The following POLR1C variants were observed in gnomAD, a reference collection of about 807,000 sequenced individuals.
POLR1C encodes the protein DNA-directed RNA polymerases I and III subunit RPAC1.
Under a neutral mutation model 38.3 loss-of-function variants are expected in POLR1C, and 42 were observed. That is an observed-to-expected ratio of 1.10 (90% CI 0.86 to 1.42). The LOEUF (loss-of-function observed/expected upper bound fraction) is 1.42. Among genes scored for constraint, POLR1C ranks in the 40% most tolerant of loss-of-function variants. The pLI is 0.00. For missense variants in POLR1C, 507 were observed against 450.5 expected (o/e 1.13, Z -1.14); for synonymous variants, 163 against 163.9 (o/e 0.99, Z 0.04).
rs1306442225 is a variant in POLR1C, at chr6:43,539,617, GA to G, written c.*4+10261del. 12 of 1,373,790 alleles carry G rather than the reference GA, an allele frequency of 8.7e-6. No homozygotes were observed. The Admixed American group carries it at 2.3e-4, about 26-fold the overall frequency. The allele number at this position is 1,373,790 out of a possible 1,614,324, so 85.1% of individuals were successfully genotyped here. A position where few individuals can be genotyped will look rare whatever the true frequency, so the allele number is the denominator to read the frequency against. ...GACCCCGGCCCCGGATGCCACTGGC[GA>G]AACCTCTGCGGAAGCCACCGCGGTT... On this transcript the variant is annotated intron_variant, in intron 9 of 10. Transcript: ENST00000607635.
chr6:43,557,107 G>A (rs1423378267), intron 10 of POLR1C, among the ~76,000 whole-genome samples: 4 of 130,254 alleles, frequency 3.1e-5, no homozygotes, highest in African/African-American at 9.3e-5. Flanking sequence ...CAGCCTGGGC[G>A]ACAGAGCAAG....
chr6:43,561,002 T>C (rs1161957222), intron 10 of POLR1C: 1 of 1,613,736 alleles, frequency 6.2e-7, no homozygotes. Context: ...CATCAGAATC[T>C]GCACCCTGTA....
At chr6:43,548,131 G>A in intron 9 of POLR1C, 1 of 943,970 alleles carries the variant, frequency 1.1e-6, no homozygotes, top group African/African-American at 1.6e-5. Flanking sequence ...TGCTTTTAGA[G>A]AACTTCAGAT....
At chr6:43,527,436 G>A in intron 8 of POLR1C, 1 of 514,040 alleles carries the variant, frequency 1.9e-6, no homozygotes, top group South Asian at 2.2e-5. Flanking sequence ...ACTACGCCCA[G>A]CTAATTTTTG....
At chr6:43,560,884 CCTAA>C (rs1277634405) in intron 10 of POLR1C, 3 of 1,514,434 alleles carry the variant, frequency 2.0e-6, no homozygotes, top group African/African-American at 2.7e-5. Flanking sequence ...CATTGGTTCA[CCTAA>C]CTAAACTTTT....
At chr6:43,558,214 G>A (rs1436748765) in intron 10 of POLR1C, among the ~76,000 whole-genome samples, 1 of 152,034 alleles carries the variant, frequency 6.6e-6, no homozygotes, top group East Asian at 1.9e-4. Context: ...AAGGTAAGAT[G>A]GTATTTAATC....
chr6:43,552,233 T>C (rs531376337), intron 10 of POLR1C, among the ~76,000 whole-genome samples: 3 of 152,082 alleles, frequency 2.0e-5, no homozygotes, highest in African/African-American at 7.2e-5. Flanking sequence ...AATTTTTGTA[T>C]TTTTAGTAGA....
chr6:43,530,571 C>T (rs148084998), downstream of POLR1C: 64 of 1,246,220 alleles, frequency 5.1e-5, no homozygotes, highest in African/African-American at 7.6e-4. Context: ...CACTTAGATA[C>T]ATAATCTCAT....
chr6:43,519,404 C>A lies in POLR1C; in HGVS notation c.213C>A (p.Ala71=). The A allele has an allele frequency of 6.2e-7, 1 of 1,613,724 alleles. No homozygotes were observed. Among genetic ancestry groups the A allele is most frequent in the Non-Finnish European group, 8.5e-7 (1 of 1,179,626 alleles). The stretch of plus-strand genomic sequence containing the variant: ...TTGACATGGTGGGAATTGACGCAGC[C>A]ATTGCCAATGCTTTTCGACGAATTC... ...LEFDMVGIDA[A]IANAFRRILL... Residue 71 remains alanine, a synonymous_variant, in exon 3 of 9, where the codon GCC becomes GCA. Coordinates refer to ENST00000642195, the MANE Select transcript of POLR1C (RefSeq NM_203290.4).
intron 9 of POLR1C, among the ~76,000 whole-genome samples, chr6:43,540,680 T>C (rs377110350): frequency 2.6e-5 from 4 of 151,930 alleles, no homozygotes; most frequent in African/African-American, 9.7e-5. Context: ...AAAATCGATA[T>C]GGGGTCTTGC....
chr6:43,520,104 C>G lies in POLR1C; in HGVS notation c.421C>G (p.Arg141Gly). 1 of 1,614,180 alleles carries G rather than the reference C, an allele frequency of 6.2e-7. No homozygotes were observed. Among genetic ancestry groups the G allele is most frequent in the South Asian group, 1.1e-5 (1 of 91,078 alleles). Reference sequence around the variant, plus strand: ...CACAGAGATAGATACTCTACAGTTTCGTCTCCAGGTCAGATGCACTCGGAA... The same window carrying G: ...CACAGAGATAGATACTCTACAGTTTGGTCTCCAGGTCAGATGCACTCGGAA... Reference protein sequence around the residue: ...EGTEIDTLQFRLQVRCTRNPH... With the variant: ...EGTEIDTLQFGLQVRCTRNPH... Residue 141 changes from arginine to glycine, a missense_variant, in exon 5 of 9, where the codon CGT becomes GGT. By Grantham distance (125) the Arg-to-Gly change is moderately radical (BLOSUM62 -2). Coordinates refer to ENST00000642195, the MANE Select transcript of POLR1C (RefSeq NM_203290.4).
At chr6:43,556,315 A>G (rs1762085446) in intron 10 of POLR1C, among the ~76,000 whole-genome samples, 1 of 152,074 alleles carries the variant, frequency 6.6e-6, no homozygotes, top group South Asian at 2.1e-4. Flanking sequence ...CTTGTGCCCA[A>G]GAGTTCAAAA....
chr6:43,534,816 A>G (rs569359598), intron 9 of POLR1C, among the ~76,000 whole-genome samples: 2 of 151,154 alleles, frequency 1.3e-5, no homozygotes, highest in African/African-American at 2.4e-5. Context: ...TGGCCAACAT[A>G]GGGAAACCCT....
downstream of POLR1C, chr6:43,524,691 C>T: frequency 6.3e-7 from 1 of 1,592,538 alleles, no homozygotes; most frequent in Non-Finnish European, 8.6e-7. Flanking sequence ...GCCACCCTCC[C>T]CATTTCCTGC....
chr6:43,521,501 C>T lies in POLR1C; in HGVS notation c.*201C>T, dbSNP rs1040703117. On this transcript the variant is annotated 3_prime_UTR_variant, in exon 9 of 9. Coordinates refer to ENST00000642195, the MANE Select transcript of POLR1C (RefSeq NM_203290.4). ...AGGCCTTAGATGTAAATAAACTCAC[C>T]CAAACAAAAAAACTTTTTGAGACTA... The T allele has an allele frequency of 3.0e-6, 4 of 1,350,292 alleles. No homozygotes were observed. In the Admixed American group the frequency reaches 9.2e-5, roughly 31 times the overall value. The allele number at this position is 1,350,292 out of a possible 1,614,324, so 83.6% of individuals were successfully genotyped here.
chr6:43,517,318 G>T lies in POLR1C; in HGVS notation c.82G>T (p.Asp28Tyr). ...CCCTTTGCTCTAGGTCCATACTACT[G>T]ACTTTCCCGGTAACTATTCCGGTTA... is the stretch of plus-strand genomic sequence containing the variant. ...EFGVRNVHTT[D>Y]FPGNYSGYDD... The change falls in exon 2 of 9, where the codon GAC becomes TAC. Residue 28 changes from aspartate (D) to tyrosine (Y), a missense_variant. Transcript: ENST00000642195. The T allele has an allele frequency of 6.2e-7, 1 of 1,614,120 alleles. No homozygotes were observed. Among genetic ancestry groups the T allele is most frequent in the South Asian group, 1.1e-5 (1 of 91,074 alleles).
downstream of POLR1C, chr6:43,523,549 C>T (rs1793332978): frequency 3.9e-6 from 2 of 514,896 alleles, no homozygotes; most frequent in Admixed American, 2.3e-5. Context: ...TATGTGGCTG[C>T]ACGGGGGTGG....
At chr6:43,520,559 T>C in intron 6 of POLR1C, 66 bp from the exon 7 acceptor site, 1 of 1,604,734 alleles carries the variant, frequency 6.2e-7, no homozygotes, top group Non-Finnish European at 8.5e-7. Context: ...TGTTAGTAGC[T>C]TAGGAGGAGT....
intron 8 of POLR1C, chr6:43,527,753 A>G (rs1793690479): frequency 1.2e-6 from 2 of 1,612,544 alleles, no homozygotes; most frequent in East Asian, 2.2e-5. Context: ...CAGGGGGCCA[A>G]GTTCCACAGG....
Sources: allele counts gnomAD v4.1 joint callset (sites outside exome capture counted in the v4.1 genomes callset), GRCh38; gene constraint gnomAD v4.1.1; transcripts MANE v1.5; gene names NCBI Gene and HGNC (gene_info 2026-07-23, HGNC 2026-07-21).